RBFOX1: variants seen among roughly 807,000 people sequenced by gnomAD.
RBFOX1 encodes the protein RNA binding protein fox-1 homolog 1.
Under a neutral mutation model 57.7 loss-of-function variants are expected in RBFOX1, and 8 were observed. That is an observed-to-expected ratio of 0.14 (90% CI 0.08 to 0.25). The LOEUF is 0.25. Among genes scored for constraint, RBFOX1 ranks in the 10% least tolerant of loss-of-function variants. RBFOX1 has a pLI of 1.00. For missense variants in RBFOX1, 611 were observed against 548.5 expected (o/e 1.11, Z -1.14); for synonymous variants, 326 against 222.4 (o/e 1.47, Z -4.15).
intron 3 of RBFOX1, among the ~76,000 whole-genome samples, chr16:5,750,477 G>C (rs942318105): frequency 6.6e-6 from 1 of 152,246 alleles, no homozygotes. Context: ...GGAGTCTACA[G>C]AGGCAGGCAG....
At chr16:5,404,945 G>A (rs1283880853) in intron 1 of RBFOX1, among the ~76,000 whole-genome samples, 1 of 152,192 alleles carries the variant, frequency 6.6e-6, no homozygotes, top group African/African-American at 2.4e-5. Flanking sequence ...AACTTTTGGA[G>A]TCATCATCAT....
intron 2 of RBFOX1, among the ~76,000 whole-genome samples, chr16:5,482,226 C>T (rs981619796): frequency 4.6e-5 from 7 of 152,134 alleles, no homozygotes; most frequent in African/African-American, 9.7e-5. Context: ...CATCCAGGGT[C>T]GGGCAGCTCA....
At chr16:6,844,801 CAACAGTGTAAAAATGTTGCTTTT>C (rs1207989996) in intron 3 of RBFOX1, among the ~76,000 whole-genome samples, 1 of 152,112 alleles carries the variant, frequency 6.6e-6, no homozygotes, top group Non-Finnish European at 1.5e-5. Context: ...ACACTGCCTC[CAACAGTGTAAAAATGTTGCTTTT>C]TCTCCATAAC....
intron 4 of RBFOX1, among the ~76,000 whole-genome samples, chr16:7,295,899 G>T (rs2095878505): frequency 6.6e-6 from 1 of 152,174 alleles, no homozygotes; most frequent in African/African-American, 2.4e-5. Context: ...CTGCTCTGTG[G>T]TTCAGGAAAC....
chr16:5,547,322 T>C (rs1181730582), intron 2 of RBFOX1, among the ~76,000 whole-genome samples: 1 of 152,226 alleles, frequency 6.6e-6, no homozygotes, highest in Non-Finnish European at 1.5e-5. Flanking sequence ...ATGGTGATTT[T>C]ATTTATCAGA....
At chr16:5,737,292 T>C (rs1449227988) in intron 3 of RBFOX1, among the ~76,000 whole-genome samples, 1 of 152,076 alleles carries the variant, frequency 6.6e-6, no homozygotes. Context: ...AAGAACAGCC[T>C]GGCCAATATG....
chr16:7,338,927 A>G (rs569087560), intron 4 of RBFOX1, among the ~76,000 whole-genome samples: 2 of 152,340 alleles, frequency 1.3e-5, no homozygotes, highest in South Asian at 2.1e-4. Flanking sequence ...TGGGAAAGAC[A>G]TCAGCATGCA....
chr16:6,933,046 C>T (rs1567951104), intron 3 of RBFOX1, among the ~76,000 whole-genome samples: 1 of 152,172 alleles, frequency 6.6e-6, no homozygotes, highest in African/African-American at 2.4e-5. Flanking sequence ...CCTTAAGGTT[C>T]ATCTGTGTCA....
At chr16:6,949,831 C>G (rs928597856) in intron 3 of RBFOX1, among the ~76,000 whole-genome samples, 5 of 151,920 alleles carry the variant, frequency 3.3e-5, no homozygotes, top group African/African-American at 1.2e-4. Context: ...AGCAGAACAT[C>G]TCTTCACCCG....
chr16:5,345,488 G>C (rs781001967), intron 1 of RBFOX1, among the ~76,000 whole-genome samples: 4 of 152,228 alleles, frequency 2.6e-5, no homozygotes, highest in Non-Finnish European at 5.9e-5. Flanking sequence ...ATGAACTGCA[G>C]GCAGATCTTA....
intron 4 of RBFOX1, among the ~76,000 whole-genome samples, chr16:7,343,884 A>G (rs975776087): frequency 7.2e-5 from 11 of 152,186 alleles, no homozygotes; most frequent in African/African-American, 2.7e-4. Flanking sequence ...CAAATCATGT[A>G]AAGTCCACAA....
At chr16:6,318,247 T>C (rs1220673105) in intron 2 of RBFOX1, among the ~76,000 whole-genome samples, 3 of 152,206 alleles carry the variant, frequency 2.0e-5, no homozygotes, top group African/African-American at 7.2e-5. Context: ...GCAGCTTTTG[T>C]TCCTAATAAT....
At chr16:5,311,203 G>A (rs963590252) in intron 1 of RBFOX1, among the ~76,000 whole-genome samples, 1 of 151,984 alleles carries the variant, frequency 6.6e-6, no homozygotes, top group Non-Finnish European at 1.5e-5. Flanking sequence ...AGTATTCCAC[G>A]GTATGTTTGT....
chr16:6,993,054 T>G (rs952586583), intron 3 of RBFOX1, among the ~76,000 whole-genome samples: 5 of 152,186 alleles, frequency 3.3e-5, no homozygotes, highest in African/African-American at 1.2e-4. Context: ...AGCTGGAGCC[T>G]GGTCCTCACA....
rs2054942505 is a variant in RBFOX1, at chr16:5,798,266, AC to A, written c.319-69034del. Among the ~76,000 whole-genome samples the A allele has an allele frequency of 1.7e-4, 26 of 152,294 alleles. 1 individual carries two copies. In the South Asian group the frequency reaches 5.4e-3, roughly 32 times the overall value. ...TGTCATTAGTAATATTCTAAATGAG[AC>A]CCATTTTTGGCCTCACATAATTCAA... is the stretch of plus-strand genomic sequence containing the variant. On this transcript the variant is annotated intron_variant, in intron 3 of 19. Transcript: ENST00000641259.
At chr16:6,023,127 G>C (rs554411898) in intron 1 of RBFOX1, among the ~76,000 whole-genome samples, 1 of 152,080 alleles carries the variant, frequency 6.6e-6, no homozygotes, top group African/African-American at 2.4e-5. Flanking sequence ...CTTGCTGTCC[G>C]TAGAACGTAC....
intron 1 of RBFOX1, among the ~76,000 whole-genome samples, chr16:6,059,756 A>G (rs1454215509): frequency 6.6e-6 from 1 of 152,172 alleles, no homozygotes; most frequent in Non-Finnish European, 1.5e-5. Flanking sequence ...TATTTCAGCC[A>G]AATTCACCAT....
chr16:6,451,872 C>G (rs1041515709), intron 2 of RBFOX1, among the ~76,000 whole-genome samples: 2 of 151,558 alleles, frequency 1.3e-5, no homozygotes, highest in South Asian at 2.1e-4. Flanking sequence ...CTCCTTCCTT[C>G]CATGACTCCA....
intron 2 of RBFOX1, among the ~76,000 whole-genome samples, chr16:6,344,056 C>G (rs184001081): frequency 6.6e-6 from 1 of 152,138 alleles, no homozygotes; most frequent in Non-Finnish European, 1.5e-5. Flanking sequence ...CTCTATTTCT[C>G]GTACCCAGTG....
Sources: gnomAD v4.1 joint callset for allele counts (sites outside exome capture counted in the v4.1 genomes callset) on GRCh38, gnomAD v4.1.1 for gene constraint, MANE v1.5 for transcripts, NCBI Gene and HGNC (gene_info 2026-07-23, HGNC 2026-07-21) for gene names.